DPP6: variants seen among roughly 807,000 people sequenced by gnomAD.
DPP6 encodes the protein dipeptidyl peptidase like 6, also known as A-type potassium channel modulatory protein DPP6.
In DPP6, 69 loss-of-function variants were observed where a neutral mutation model predicts 122.6. That is an observed-to-expected ratio of 0.56 (90% CI 0.46 to 0.69). DPP6 has a LOEUF of 0.69. Ranked by LOEUF, DPP6 falls within the 30% of genes least tolerant of loss-of-function variation. DPP6 has a pLI of 0.00. For missense variants in DPP6, 928 were observed against 1,116.9 expected, an observed-to-expected ratio of 0.83 and a Z score of 2.41; for synonymous variants, 418 against 433.1, an observed-to-expected ratio of 0.97 and a Z score of 0.43.
intron 4 of DPP6, among the ~76,000 whole-genome samples, chr7:154,563,457 C>T (rs1249025707): frequency 6.6e-6 from 1 of 152,124 alleles, no homozygotes; most frequent in Non-Finnish European, 1.5e-5. Flanking sequence ...GAGAGATGGC[C>T]CTGGCCGCCT....
intron 1 of DPP6, among the ~76,000 whole-genome samples, chr7:154,060,688 G>A (rs201645349): frequency 0.29 from 27,327 of 95,118 alleles, 805 homozygotes; most frequent in East Asian, 0.35. Context: ...CCCCTCTTCC[G>A]CCCCTGGCTG....
At position 154,510,971 on chromosome 7, in the gene DPP6, CAGAGAG is replaced by C. The variant is rs376724364; in HGVS notation, c.458-29552_458-29547del. On this transcript the variant is annotated intron_variant, in intron 3 of 25. Coordinates refer to ENST00000377770, the MANE Select transcript of DPP6 (RefSeq NM_130797.4). ...ACACACACACACACACACACACACA[CAGAGAG>C]AGAGAGAGCAAGGAAAAGATAGACC... Among the ~76,000 whole-genome samples, 111 of 120,300 alleles carry C rather than the reference CAGAGAG, an allele frequency of 9.2e-4. No individual in the cohort carries two copies. The South Asian group carries it at 0.012, about 13-fold the overall frequency. The allele number at this position is 120,300 out of a possible 152,430, so 78.9% of individuals were successfully genotyped here. A position where few individuals can be genotyped will look rare whatever the true frequency, so the allele number is the denominator to read the frequency against.
In DPP6 at chr7:154,795,856, T is replaced by C. The variant is rs756166839; in HGVS notation, c.1272T>C (p.Asp424=). ...TTGVCTKKHE[D]ESEAWLHRQN... ...TCATTTCATTTCAGAAACACGAGGA[T>C]GAAAGTGAGGCCTGGCTCCACAGAC... is the stretch of plus-strand genomic sequence containing the variant. Residue 424 remains aspartate (D), a synonymous_variant, in exon 12 of 26, where the codon GAT becomes GAC. Coordinates refer to ENST00000377770, the MANE Select transcript of DPP6 (RefSeq NM_130797.4). 1 of 1,611,554 alleles carries C rather than the reference T, an allele frequency of 6.2e-7. No homozygotes were observed. The highest frequency in any genetic ancestry group is 8.5e-7 in the Non-Finnish European group (1 of 1,179,196).
At position 154,241,440 on chromosome 7, in the gene DPP6, G is replaced by T. The variant is rs922915274; in HGVS notation, c.243+188377G>T. Among the ~76,000 whole-genome samples, 1 of 152,006 alleles carries T rather than the reference G, an allele frequency of 6.6e-6. No homozygotes were observed. The highest frequency in any genetic ancestry group is 2.4e-5 in the African/African-American group (1 of 41,370). Reference sequence around the variant, plus strand: ...CCTGGCGTGGAGGTGAGCACCTGTAGTCCTGGCTATTTGGGAGGCGGAGGC... The same window carrying T: ...CCTGGCGTGGAGGTGAGCACCTGTATTCCTGGCTATTTGGGAGGCGGAGGC... On this transcript the variant is annotated intron_variant, in intron 1 of 25. Coordinates refer to ENST00000377770, the MANE Select transcript of DPP6 (RefSeq NM_130797.4). The surrounding 1 kb of genome is among the most constrained non-coding windows in gnomAD (Gnocchi z 9.0).
chr7:154,788,259 C>A (rs1335945220), intron 10 of DPP6, among the ~76,000 whole-genome samples: 2 of 152,004 alleles, frequency 1.3e-5, no homozygotes, highest in African/African-American at 4.8e-5. Flanking sequence ...ACTTGGCCAA[C>A]AAGGCGAAAC....
Position 154,282,394 on chromosome 7 carries a change from C to T in DPP6, c.244-163820C>T, listed in dbSNP as rs952366470. ...CAGTGCACTGTTAACTGAGCAGAGG[C>T]AGCCGTACCTGGGGTGCTGATTAGC... On this transcript the variant is annotated intron_variant, in intron 1 of 25. Coordinates refer to ENST00000377770, the MANE Select transcript of DPP6 (RefSeq NM_130797.4). The surrounding 1 kb of genome is among the most constrained non-coding windows in gnomAD (Gnocchi z 4.8). 6.6e-6 allele frequency among the ~76,000 whole-genome samples: 1 copy of T among 152,204 alleles called. No homozygotes were observed. The highest frequency in any genetic ancestry group is 1.5e-5 in the Non-Finnish European group (1 of 68,036).
At chr7:154,645,268 T>C (rs1275249816) in intron 6 of DPP6, among the ~76,000 whole-genome samples, 3 of 151,946 alleles carry the variant, frequency 2.0e-5, no homozygotes, top group African/African-American at 7.2e-5. Context: ...GGTTTCACCG[T>C]GTTAGCCAGG....
intron 1 of DPP6, among the ~76,000 whole-genome samples, chr7:154,274,875 C>T (rs1203827155): frequency 6.6e-6 from 1 of 152,210 alleles, no homozygotes; most frequent in African/African-American, 2.4e-5. Flanking sequence ...TGAAGTGGAA[C>T]CTTCTTTTAA....
intron 1 of DPP6, among the ~76,000 whole-genome samples, chr7:154,013,324 A>C (rs1348947980): frequency 6.6e-6 from 1 of 152,218 alleles, no homozygotes; most frequent in East Asian, 1.9e-4. Flanking sequence ...CATTTTAATC[A>C]TTCGATGTTA....
intron 4 of DPP6, among the ~76,000 whole-genome samples, chr7:154,555,632 T>C (rs116504320): frequency 0.012 from 1,826 of 151,736 alleles, 45 homozygotes; most frequent in African/African-American, 0.042. Flanking sequence ...TAAAATAAAA[T>C]TTAAAAAAAT....
At chr7:154,807,852 G>T (rs1587206506) in intron 16 of DPP6, among the ~76,000 whole-genome samples, 1 of 152,022 alleles carries the variant, frequency 6.6e-6, no homozygotes, top group Admixed American at 6.6e-5. Flanking sequence ...AAGGATTGAG[G>T]TTATGTTAAA....
rs577026790 is a variant in DPP6, at chr7:154,755,987, T to C, written c.884-13430T>C. On this transcript the variant is annotated intron_variant, in intron 8 of 25. Coordinates refer to ENST00000377770, the MANE Select transcript of DPP6 (RefSeq NM_130797.4). The surrounding 1 kb of genome is among the most constrained non-coding windows in gnomAD (Gnocchi z 4.7). ...GTTGTGTTGCAGAGGAAATATGCTTTTTGCAGAGGGCTTAGAAAACGTGCA... is the reference window on the plus strand; with the variant it reads ...GTTGTGTTGCAGAGGAAATATGCTTCTTGCAGAGGGCTTAGAAAACGTGCA... Among the ~76,000 whole-genome samples the C allele has an allele frequency of 6.6e-6, 1 of 152,260 alleles. No individual in the cohort carries two copies. The highest frequency in any genetic ancestry group is 2.4e-5 in the African/African-American group (1 of 41,554).
At chr7:154,727,673 G>T (rs1842130782) in intron 7 of DPP6, 94 bp from the exon 8 acceptor site, 1 of 1,454,808 alleles carries the variant, frequency 6.9e-7, no homozygotes. Context: ...ACAGGAAAAT[G>T]AAAACCCGGT....
At chr7:154,430,072 C>T (rs768865408) in intron 1 of DPP6, among the ~76,000 whole-genome samples, 1 of 152,132 alleles carries the variant, frequency 6.6e-6, no homozygotes, top group Non-Finnish European at 1.5e-5. Context: ...AGCTCCTCTT[C>T]TAGGGGCCGC....
intron 1 of DPP6, among the ~76,000 whole-genome samples, chr7:154,211,251 C>G (rs191005590): frequency 6.6e-6 from 1 of 152,194 alleles, no homozygotes; most frequent in Non-Finnish European, 1.5e-5. Context: ...GAGGAGGGAA[C>G]AAGCTGGCAG....
chr7:154,623,634 T>C (rs375798298), intron 5 of DPP6, among the ~76,000 whole-genome samples: 16 of 104,122 alleles, frequency 1.5e-4, no homozygotes, highest in Non-Finnish European at 3.1e-4. Flanking sequence ...CACACATGCG[T>C]GCACACACGC....
At chr7:154,304,902 G>T (rs1482275914) in intron 1 of DPP6, among the ~76,000 whole-genome samples, 1 of 152,196 alleles carries the variant, frequency 6.6e-6, no homozygotes, top group East Asian at 1.9e-4. Flanking sequence ...CGCGCCCTGC[G>T]TGGGGGCCGC....
chr7:154,608,706 G>A (rs1833729794), intron 5 of DPP6, among the ~76,000 whole-genome samples: 1 of 151,858 alleles, frequency 6.6e-6, no homozygotes, highest in African/African-American at 2.4e-5. Context: ...TTGCTCTTGG[G>A]TCTTTTGATT....
At chr7:153,959,934 T>A (rs200420524) in intron 1 of DPP6, among the ~76,000 whole-genome samples, 21,925 of 152,220 alleles carry the variant, frequency 0.14, 1,673 homozygotes, top group Non-Finnish European at 0.17. Context: ...TCTAATTTTT[T>A]TTTTTATTTA....
Sources: gnomAD v4.1 joint callset for allele counts (sites outside exome capture counted in the v4.1 genomes callset) on GRCh38, gnomAD v4.1.1 for gene constraint, Gnocchi (gnomAD v3.1) non-coding constraint, MANE v1.5 for transcripts, NCBI Gene and HGNC (gene_info 2026-07-23, HGNC 2026-07-21) for gene names.